AMPH: variants seen among roughly 807,000 people sequenced by gnomAD.
AMPH encodes amphiphysin.
AMPH carries 49 observed loss-of-function variants against 99.1 expected under a neutral mutation model. The observed-to-expected ratio is 0.49, with a 90% confidence interval of 0.39 to 0.63. The LOEUF (loss-of-function observed/expected upper bound fraction) is 0.63. Among genes scored for constraint, AMPH ranks in the 20% least tolerant of loss-of-function variants. The pLI, the probability that AMPH is intolerant of heterozygous loss-of-function variation, is 0.00. For synonymous variants in AMPH, 314 were observed against 317.3 expected (o/e 0.99, Z 0.11); for missense variants, 759 against 863.4 (o/e 0.88, Z 1.52).
chr7:38,570,719 G>GT (rs956145796), intron 1 of AMPH, among the ~76,000 whole-genome samples: 3 of 150,014 alleles, frequency 2.0e-5, no homozygotes, highest in African/African-American at 7.4e-5. Context: ...AAAAATAACT[G>GT]TAAGTCAGCC....
intron 17 of AMPH, among the ~76,000 whole-genome samples, chr7:38,395,366 G>A (rs1784639108): frequency 6.6e-6 from 1 of 152,188 alleles, no homozygotes; most frequent in Admixed American, 6.5e-5. Flanking sequence ...CATAGTTTAG[G>A]TCCAGTAAGG....
chr7:38,583,210 T>A (rs1792529102), intron 1 of AMPH, among the ~76,000 whole-genome samples: 1 of 152,174 alleles, frequency 6.6e-6, no homozygotes, highest in African/African-American at 2.4e-5. Flanking sequence ...CAGATAACTT[T>A]AGAAATCAAC....
intron 1 of AMPH, among the ~76,000 whole-genome samples, chr7:38,625,498 C>T (rs1388476004): frequency 6.6e-6 from 1 of 152,140 alleles, no homozygotes; most frequent in Non-Finnish European, 1.5e-5. Flanking sequence ...TAAACTGCCA[C>T]TCATCAAAGG....
At chr7:38,396,998 G>A (rs761159951) in intron 17 of AMPH, among the ~76,000 whole-genome samples, 5 of 152,190 alleles carry the variant, frequency 3.3e-5, no homozygotes, top group East Asian at 1.9e-4. Context: ...CCATCTGTCT[G>A]GAAAATCACA....
At chr7:38,488,000 C>A (rs945439031) in intron 5 of AMPH, among the ~76,000 whole-genome samples, 22 of 152,014 alleles carry the variant, frequency 1.4e-4, no homozygotes, top group Non-Finnish European at 3.1e-4. Flanking sequence ...GTTAGAATGG[C>A]GATCAATAAA....
rs1784300486 is a variant in AMPH at position 38,384,603 on chromosome 7, T to C, written c.*215A>G. 4.2e-6 allele frequency: 2 copies of C among 472,472 alleles called. No individual in the cohort carries two copies. The highest frequency in any genetic ancestry group is 7.7e-6 in the Non-Finnish European group (2 of 258,440). 29.3% of individuals were successfully genotyped at this position (472,472 alleles called of 1,614,324 possible). A position where few individuals can be genotyped will look rare whatever the true frequency, so the allele number is the denominator to read the frequency against. On this transcript the variant is annotated 3_prime_UTR_variant, in exon 21 of 21. Coordinates refer to ENST00000356264, the MANE Select transcript of AMPH (RefSeq NM_001635.4). ...GGACAAAGCACAAACAAACCTGTTATTGACAACATGGGAATGAGTGAGGAT... is the reference window on the plus strand; with the variant it reads ...GGACAAAGCACAAACAAACCTGTTACTGACAACATGGGAATGAGTGAGGAT...
intron 3 of AMPH, among the ~76,000 whole-genome samples, chr7:38,497,464 T>C (rs755662974): frequency 7.2e-5 from 11 of 152,188 alleles, no homozygotes; most frequent in Non-Finnish European, 1.3e-4. Context: ...TCCAAGACAT[T>C]TCATATAACA....
At chr7:38,464,472 G>C (rs1176021635) in intron 9 of AMPH, among the ~76,000 whole-genome samples, 1 of 152,150 alleles carries the variant, frequency 6.6e-6, no homozygotes, top group African/African-American at 2.4e-5. Flanking sequence ...CTAATCCAAA[G>C]AGCAGGGAAT....
intron 7 of AMPH, among the ~76,000 whole-genome samples, chr7:38,468,204 G>A (rs190962806): frequency 7.2e-4 from 109 of 152,240 alleles, no homozygotes; most frequent in African/African-American, 2.5e-3. Flanking sequence ...AAATATGATA[G>A]CCAAAAGTTA....
chr7:38,449,202 G>C (rs1786911376), intron 11 of AMPH, among the ~76,000 whole-genome samples: 1 of 152,152 alleles, frequency 6.6e-6, no homozygotes, highest in Non-Finnish European at 1.5e-5. Flanking sequence ...GAGTTCTAGA[G>C]AACCTGCATC....
chr7:38,394,601 C>T (rs1009085371), intron 17 of AMPH, among the ~76,000 whole-genome samples: 4 of 152,148 alleles, frequency 2.6e-5, no homozygotes, highest in African/African-American at 7.2e-5. Context: ...AATTGAATCT[C>T]GGGACCTTAA....
At chr7:38,415,623 C>T (rs1785355545) in intron 17 of AMPH, among the ~76,000 whole-genome samples, 1 of 152,038 alleles carries the variant, frequency 6.6e-6, no homozygotes, top group African/African-American at 2.4e-5. Context: ...GAAGGGAGAA[C>T]GAGGGGAAAA....
At chr7:38,521,442 AC>A (rs1281814144) in intron 2 of AMPH, among the ~76,000 whole-genome samples, 2 of 152,010 alleles carry the variant, frequency 1.3e-5, no homozygotes, top group African/African-American at 2.4e-5. Context: ...AATCGCTTGA[AC>A]CCGGCGGGCA....
chr7:38,583,989 G>A (rs896841605), intron 1 of AMPH, among the ~76,000 whole-genome samples: 6 of 152,140 alleles, frequency 3.9e-5, no homozygotes, highest in Admixed American at 2.6e-4. Context: ...ATGTGTTTCC[G>A]GGGTTTAGAA....
intron 2 of AMPH, among the ~76,000 whole-genome samples, chr7:38,515,984 A>C (rs1420377483): frequency 2.0e-5 from 3 of 152,240 alleles, no homozygotes; most frequent in African/African-American, 7.2e-5. Context: ...AAAATGTTCA[A>C]GATTTCACCT....
intron 1 of AMPH, among the ~76,000 whole-genome samples, chr7:38,583,388 CAATA>C (rs1199984303): frequency 2.1e-5 from 3 of 143,512 alleles, no homozygotes; most frequent in Admixed American, 1.4e-4. Flanking sequence ...AGTAGCTATT[CAATA>C]AATAGTGAAT....
chr7:38,396,250 G>C (rs1784666438), intron 17 of AMPH, among the ~76,000 whole-genome samples: 1 of 152,146 alleles, frequency 6.6e-6, no homozygotes, highest in African/African-American at 2.4e-5. Flanking sequence ...GGAGATGATT[G>C]AATCATGGGG....
At chr7:38,583,713 T>C (rs1472425309) in intron 1 of AMPH, among the ~76,000 whole-genome samples, 2 of 152,154 alleles carry the variant, frequency 1.3e-5, no homozygotes. Context: ...CACAGTCCAC[T>C]AGGGAAACAA....
At chr7:38,554,614 T>C (rs1190534738) in intron 1 of AMPH, among the ~76,000 whole-genome samples, 1 of 152,346 alleles carries the variant, frequency 6.6e-6, no homozygotes, top group African/African-American at 2.4e-5. Context: ...AATATATTAC[T>C]GGCATTTCCA....
Sources: allele counts gnomAD v4.1 joint callset (sites outside exome capture counted in the v4.1 genomes callset), GRCh38; gene constraint gnomAD v4.1.1; transcripts MANE v1.5; gene names NCBI Gene and HGNC (gene_info 2026-07-23, HGNC 2026-07-21).